The following DDX59 variants were observed in gnomAD, a reference collection of about 807,000 sequenced individuals.
The protein encoded by DDX59 is probable ATP-dependent RNA helicase DDX59.
In DDX59, 30 loss-of-function variants were observed where a neutral mutation model predicts 51.9. The ratio of observed to expected loss-of-function variants is 0.58; its 90% confidence interval spans 0.43 to 0.78. DDX59 has a LOEUF of 0.78. DDX59 is among the 30% of genes least tolerant of loss of function. DDX59 has a pLI of 0.00. For missense variants in DDX59, 672 were observed against 730.8 expected (o/e 0.92, Z 0.93); for synonymous variants, 255 against 253.3 (o/e 1.01, Z -0.06).
Position 200,666,617 on chromosome 1 carries a change from C to A in DDX59, c.124G>T (p.Val42Phe). 1.2e-6 allele frequency: 2 copies of A among 1,614,182 alleles called. No homozygotes were observed. The highest frequency in any genetic ancestry group is 1.7e-6 in the Non-Finnish European group (2 of 1,180,036). Reference protein sequence around the residue: ...LQLDKSRDVPVDAVATEAATI... With the variant: ...LQLDKSRDVPFDAVATEAATI... ...GCTGCTTCTGTAGCTACAGCATCAA[C>A]GGGAACATCTCTGCTTTTGTCCAAC... Residue 42 changes from valine (V) to phenylalanine (F), a missense_variant, in exon 2 of 8, where the codon GTT becomes TTT. Physicochemically the swap from Val to Phe is conservative, Grantham distance 50. Coordinates refer to ENST00000331314, the MANE Select transcript of DDX59 (RefSeq NM_001031725.6).
chr1:200,665,888 T>C, intron 2 of DDX59, 49 bp downstream of exon 2: 1 of 1,509,328 alleles, frequency 6.6e-7, no homozygotes, highest in South Asian at 1.4e-5. Context: ...GGTAAATACC[T>C]CACTTGTTTC....
In DDX59 at chr1:200,669,892, T is replaced by TGGTGCGGGGC. The variant is rs1553272157; in HGVS notation, c.-138_-137insGCCCCGCACC. On this transcript the variant is annotated 5_prime_UTR_variant, in exon 1 of 8. Transcript: ENST00000331314. ...CGTCAGGACTGCGGCCCGGGGTTGG[T>TGGTGCGGGGC]GGTGCGGAGCGGAGCGGAGCGGAGC... The TGGTGCGGGGC allele has an allele frequency of 1.2e-4, 8 of 64,806 alleles. No homozygotes were observed. The highest frequency in any genetic ancestry group is 3.5e-4 in the African/African-American group (7 of 19,908). 4.0% of individuals were successfully genotyped at this position (64,806 alleles called of 1,614,324 possible). A position where few individuals can be genotyped will look rare whatever the true frequency, so the allele number is the denominator to read the frequency against.
At chr1:200,651,136 A>G (rs995368599) in intron 4 of DDX59, among the ~76,000 whole-genome samples, 8 of 152,216 alleles carry the variant, frequency 5.3e-5, no homozygotes, top group Non-Finnish European at 1.2e-4. Context: ...TAAATTGCTA[A>G]TACCAGGGAG....
Position 200,648,424 on chromosome 1 carries a change from T to C in DDX59, c.1596+15A>G, listed in dbSNP as rs1295935443. 1 of 1,612,438 alleles carries C rather than the reference T, an allele frequency of 6.2e-7. No individual in the cohort carries two copies. Among genetic ancestry groups the C allele is most frequent in the African/African-American group, 1.3e-5 (1 of 74,810 alleles). ...ACTCGTGAACAAAATAGTGGTAACA[T>C]ATAAAGCTCCTTACCTGATGGACAT... is the stretch of plus-strand genomic sequence containing the variant. On this transcript the variant is annotated intron_variant, in intron 7 of 7. Coordinates refer to ENST00000331314, the MANE Select transcript of DDX59 (RefSeq NM_001031725.6).
chr1:200,668,149 C>CA (rs1206642031), intron 1 of DDX59, among the ~76,000 whole-genome samples: 1 of 151,410 alleles, frequency 6.6e-6, no homozygotes, highest in African/African-American at 2.4e-5. Flanking sequence ...CAAAACAAAA[C>CA]AAAAAAAATT....
At chr1:200,660,586 TAAAC>T (rs1403096591) in intron 3 of DDX59, among the ~76,000 whole-genome samples, 1 of 152,032 alleles carries the variant, frequency 6.6e-6, no homozygotes, top group Non-Finnish European at 1.5e-5. Flanking sequence ...GTCAAATAAA[TAAAC>T]AAATACATAA....
downstream of DDX59, among the ~76,000 whole-genome samples, chr1:200,642,582 C>T (rs6695836): frequency 0.74 from 112,486 of 152,066 alleles, 42,596 homozygotes; most frequent in Non-Finnish European, 0.84. Context: ...ACATGTGAGA[C>T]AAGGAAGTTG....
chr1:200,644,000 G>A (rs1661133217), downstream of DDX59: 2 of 389,922 alleles, frequency 5.1e-6, no homozygotes, highest in African/African-American at 4.3e-5. Flanking sequence ...CAGTAGCTCT[G>A]AGGACTGTTT....
chr1:200,663,765 AC>A (rs1284718694), intron 3 of DDX59, among the ~76,000 whole-genome samples, 153 bp downstream of exon 3: 1 of 147,320 alleles, frequency 6.8e-6, no homozygotes, highest in Non-Finnish European at 1.5e-5. Context: ...TATAAAACAA[AC>A]TAAAAAAAAA....
chr1:200,666,777 T>G, intron 1 of DDX59, 26 bp from the exon 2 acceptor site: 1 of 1,565,126 alleles, frequency 6.4e-7, no homozygotes, highest in Non-Finnish European at 8.7e-7. Flanking sequence ...TATAATGAGA[T>G]TTATTGTACC....
chr1:200,661,679 G>T (rs1261607365), intron 3 of DDX59, among the ~76,000 whole-genome samples: 1 of 152,224 alleles, frequency 6.6e-6, no homozygotes, highest in Non-Finnish European at 1.5e-5. Flanking sequence ...AATGCAACAT[G>T]TGATTCTGAA....
chr1:200,661,343 TTCAAAGTACACC>T (rs147987090), intron 3 of DDX59, among the ~76,000 whole-genome samples: 10,846 of 152,188 alleles, frequency 0.071, 587 homozygotes, highest in Non-Finnish European at 0.1. Context: ...AAATTTACAT[TTCAAAGTACACC>T]TCAAAGTACT....
chr1:200,641,352 T>A, downstream of DDX59: 1 of 464,136 alleles, frequency 2.2e-6, no homozygotes. Context: ...ACAGTTTAAA[T>A]ATGTGGCAAT....
chr1:200,663,474 C>A (rs1662505751), intron 3 of DDX59, among the ~76,000 whole-genome samples: 1 of 152,068 alleles, frequency 6.6e-6, no homozygotes, highest in Admixed American at 6.6e-5. Context: ...CTTTTACATA[C>A]CAGAAAATAC....
chr1:200,666,748 T>A lies in DDX59; in HGVS notation c.-8A>T. Reference sequence around the variant, plus strand: ...AGATCTTGGAACAAACATCCTTCAATATTCTGTTAAGGAAATTATATAATG... The same window carrying A: ...AGATCTTGGAACAAACATCCTTCAAAATTCTGTTAAGGAAATTATATAATG... On this transcript the variant is annotated 5_prime_UTR_variant, in exon 2 of 8. Coordinates refer to ENST00000331314, the MANE Select transcript of DDX59 (RefSeq NM_001031725.6). 1 of 1,601,826 alleles carries A rather than the reference T, an allele frequency of 6.2e-7. No individual in the cohort carries two copies. Among genetic ancestry groups the A allele is most frequent in the Non-Finnish European group, 8.5e-7 (1 of 1,172,934 alleles).
At chr1:200,664,776 A>C (rs887865386) in intron 2 of DDX59, among the ~76,000 whole-genome samples, 1 of 152,034 alleles carries the variant, frequency 6.6e-6, no homozygotes, top group Non-Finnish European at 1.5e-5. Flanking sequence ...CCTGGGTTCA[A>C]GTGATTCTCC....
chr1:200,663,639 G>A (rs188654007), intron 3 of DDX59, among the ~76,000 whole-genome samples: 162 of 152,208 alleles, frequency 1.1e-3, no homozygotes, highest in Non-Finnish European at 1.4e-3. Context: ...TAAGGATTAT[G>A]CCAACCCACC....
intron 3 of DDX59, among the ~76,000 whole-genome samples, chr1:200,663,178 C>T (rs1662487621): frequency 6.6e-6 from 1 of 152,128 alleles, no homozygotes; most frequent in Admixed American, 6.6e-5. Context: ...CCAGCTTGTC[C>T]CCTGGGTCGC....
downstream of DDX59, chr1:200,644,028 G>T (rs960607209): frequency 4.3e-5 from 20 of 460,016 alleles, no homozygotes; most frequent in Middle Eastern, 1.0e-3. Flanking sequence ...AAAGAAAAAA[G>T]AAACTTCATC....
Sources: allele counts gnomAD v4.1 joint callset (sites outside exome capture counted in the v4.1 genomes callset), GRCh38; gene constraint gnomAD v4.1.1; transcripts MANE v1.5; gene names NCBI Gene and HGNC (gene_info 2026-07-23, HGNC 2026-07-21).